Variants in GRM7 observed in about 807,000 individuals in gnomAD.
GRM7 encodes the protein metabotropic glutamate receptor 7.
In GRM7, 35 loss-of-function variants were observed where a neutral mutation model predicts 84.5. The observed-to-expected ratio is 0.41, with a 90% CI of 0.32 to 0.55. The LOEUF is 0.55. GRM7 is among the 20% of genes least tolerant of loss of function. The pLI is 0.19. For missense variants in GRM7, 1,003 were observed against 1,194.6 expected (o/e 0.84, Z 2.36); for synonymous variants, 487 against 455.1 (o/e 1.07, Z -0.89).
chr3:7,271,585 A>G (rs1370257335), intron 2 of GRM7, among the ~76,000 whole-genome samples: 5 of 132,646 alleles, frequency 3.8e-5, no homozygotes, highest in Non-Finnish European at 8.2e-5. Flanking sequence ...AAAAAAAAAA[A>G]GAAATGCAGA....
chr3:7,662,657 TGC>T (rs572201757), intron 8 of GRM7, among the ~76,000 whole-genome samples: 192 of 152,246 alleles, frequency 1.3e-3, no homozygotes, highest in Non-Finnish European at 2.3e-3. Flanking sequence ...AGAAATAAAG[TGC>T]GAAGTATTAT....
Position 6,954,250 on chromosome 3 carries a change from C to G in GRM7, c.519+92343C>G, listed in dbSNP as rs543040517. The stretch of plus-strand genomic sequence containing the variant: ...GTACATGTCAAGTCCTTTCTTCTAG[C>G]TATTTTGAAAGATATAATACCTTGT... On this transcript the variant is annotated intron_variant, in intron 1 of 9. Coordinates refer to ENST00000357716, the MANE Select transcript of GRM7 (RefSeq NM_000844.4). Among the ~76,000 whole-genome samples the G allele has an allele frequency of 4.7e-4, 71 of 152,240 alleles. No homozygotes were observed. The South Asian group carries it at 0.014, about 29-fold the overall frequency.
intron 8 of GRM7, among the ~76,000 whole-genome samples, chr3:7,628,464 C>G (rs760051346): frequency 3.9e-5 from 6 of 152,150 alleles, no homozygotes; most frequent in Admixed American, 3.3e-4. Context: ...ATATTTAAAA[C>G]TATTTTGGAT....
intron 7 of GRM7, among the ~76,000 whole-genome samples, chr3:7,511,539 C>G (rs903944150): frequency 3.9e-5 from 6 of 152,194 alleles, no homozygotes; most frequent in African/African-American, 1.4e-4. Context: ...AGTGTTACCT[C>G]TCATCTCTTC....
chr3:7,555,206 C>A (rs955300379), intron 7 of GRM7, among the ~76,000 whole-genome samples: 1 of 152,284 alleles, frequency 6.6e-6, no homozygotes, highest in East Asian at 1.9e-4. Context: ...GATTGGTTCA[C>A]TCTAAGTGTA....
chr3:7,436,117 G>A (rs1027250646), intron 5 of GRM7, among the ~76,000 whole-genome samples: 3 of 152,030 alleles, frequency 2.0e-5, no homozygotes, highest in Admixed American at 6.6e-5. Context: ...AAAGTGCCGG[G>A]ATTACAGGCG....
chr3:7,468,428 A>G (rs754725805), intron 7 of GRM7, among the ~76,000 whole-genome samples: 7 of 152,240 alleles, frequency 4.6e-5, no homozygotes, highest in Middle Eastern at 3.2e-3. Context: ...GCTGTAAAGC[A>G]GGCTTATGGT....
At chr3:7,414,884 TA>T (rs1696095727) in intron 4 of GRM7, 138 bp from the exon 5 acceptor site, 3 of 594,844 alleles carry the variant, frequency 5.0e-6, no homozygotes, top group Non-Finnish European at 8.6e-6. Context: ...CTCCTTCTGT[TA>T]ATTTTTTTTT....
intron 2 of GRM7, among the ~76,000 whole-genome samples, chr3:7,153,073 T>C (rs1261749402): frequency 6.6e-6 from 1 of 151,030 alleles, no homozygotes; most frequent in Non-Finnish European, 1.5e-5. Context: ...AGTAGAACAA[T>C]CTCCAGCTTC....
chr3:7,098,720 C>T lies in GRM7; in HGVS notation c.520-47732C>T, dbSNP rs1016113867. On this transcript the variant is annotated intron_variant, in intron 1 of 9. Transcript: ENST00000357716. ...TTTCGGTGCCATTTATAAAAAACAT[C>T]GATGATGGATAATAACCATATGAGG... Among the ~76,000 whole-genome samples, 6 of 151,854 alleles carry T rather than the reference C, an allele frequency of 4.0e-5. No homozygotes were observed. The East Asian group carries it at 7.7e-4, about 20-fold the overall frequency.
At chr3:7,223,243 G>C (rs1311968783) in intron 2 of GRM7, among the ~76,000 whole-genome samples, 1 of 151,652 alleles carries the variant, frequency 6.6e-6, no homozygotes, top group Non-Finnish European at 1.5e-5. Flanking sequence ...CAAATTATCT[G>C]GTTTTGTTTT....
chr3:7,692,977 CTT>C (rs376324014), intron 9 of GRM7, among the ~76,000 whole-genome samples: 1 of 143,520 alleles, frequency 7.0e-6, no homozygotes. Flanking sequence ...TTCTTTCTTT[CTT>C]TTTTTTTTTT....
At chr3:7,457,323 A>G (rs1698059579) in intron 6 of GRM7, among the ~76,000 whole-genome samples, 1 of 152,182 alleles carries the variant, frequency 6.6e-6, no homozygotes, top group Non-Finnish European at 1.5e-5. Flanking sequence ...TTATGCATTG[A>G]GGAAAGAAAT....
chr3:7,306,388 A>G, intron 3 of GRM7, 110 bp from the exon 4 acceptor site: 1 of 865,248 alleles, frequency 1.2e-6, no homozygotes, highest in Non-Finnish European at 1.8e-6. Context: ...TTTTGCAATT[A>G]TTTACTTTTT....
intron 1 of GRM7, among the ~76,000 whole-genome samples, chr3:6,883,389 T>C (rs1695583095): frequency 6.6e-6 from 1 of 152,192 alleles, no homozygotes; most frequent in Admixed American, 6.5e-5. Context: ...AAAAACACTT[T>C]AATAGTTCAG....
chr3:7,679,624 C>T (rs1303437549), intron 8 of GRM7, among the ~76,000 whole-genome samples: 3 of 152,118 alleles, frequency 2.0e-5, no homozygotes, highest in Admixed American at 2.0e-4. Context: ...TCTCAAAAGG[C>T]CCCAGAATCT....
chr3:7,368,948 A>C (rs949487504), intron 4 of GRM7, among the ~76,000 whole-genome samples: 73 of 151,492 alleles, frequency 4.8e-4, no homozygotes, highest in African/African-American at 1.6e-3. Context: ...CACCTATTTG[A>C]TCCCATTACT....
chr3:7,148,440 AAAGG>A (rs1431990950), intron 2 of GRM7, among the ~76,000 whole-genome samples: 1 of 152,184 alleles, frequency 6.6e-6, no homozygotes, highest in Non-Finnish European at 1.5e-5. Context: ...TGGATGAAGC[AAAGG>A]AAGAACACTG....
intron 4 of GRM7, among the ~76,000 whole-genome samples, chr3:7,352,050 ACACACAC>A (rs1367771813): frequency 2.6e-5 from 3 of 114,366 alleles, no homozygotes; most frequent in South Asian, 3.3e-4. Flanking sequence ...TCACACACAC[ACACACAC>A]CACACACACA....
Sources: allele counts gnomAD v4.1 joint callset (sites outside exome capture counted in the v4.1 genomes callset), GRCh38; gene constraint gnomAD v4.1.1; transcripts MANE v1.5; gene names NCBI Gene and HGNC (gene_info 2026-07-23, HGNC 2026-07-21).